The following PCM1 variants were observed in gnomAD, a reference collection of about 807,000 sequenced individuals.
The protein encoded by PCM1 is pericentriolar material 1.
A neutral mutation model predicts 241.9 loss-of-function variants in PCM1; 157 were observed. The observed-to-expected ratio is 0.65, with a 90% CI of 0.57 to 0.74. PCM1 has a LOEUF of 0.74. Ranked by LOEUF, PCM1 falls within the 30% of genes least tolerant of loss-of-function variation. The pLI is 0.00. For synonymous variants in PCM1, 1,085 were observed against 784.9 expected (o/e 1.38, Z -6.39); for missense variants, 3,478 against 2,360.1 (o/e 1.47, Z -9.81).
chr8:17,955,348 A>T (rs2067796985), intron 9 of PCM1, 122 bp from the exon 10 acceptor site: 2 of 635,970 alleles, frequency 3.1e-6, no homozygotes, highest in Non-Finnish European at 2.6e-6. Flanking sequence ...CTGAAATTTA[A>T]ATCTGCAGAA....
chr8:18,025,133 C>CT (rs58967642), intron 36 of PCM1: 61,148 of 157,256 alleles, frequency 0.39, 16,483 homozygotes, highest in African/African-American at 0.46. Context: ...GCCCCCCTGC[C>CT]TTTTTTTTTT....
intron 7 of PCM1, among the ~76,000 whole-genome samples, chr8:17,949,953 T>TA (rs2065376656): frequency 6.6e-6 from 1 of 152,142 alleles, no homozygotes; most frequent in Non-Finnish European, 1.5e-5. Context: ...ACCACAGTCT[T>TA]TTAGTATGAC....
intron 29 of PCM1, among the ~76,000 whole-genome samples, chr8:18,001,995 C>CT (rs1166401113): frequency 3.0e-4 from 7 of 23,402 alleles, no homozygotes; most frequent in Admixed American, 7.6e-4. Flanking sequence ...TCTAACCTTT[C>CT]TTTTTTTTTT....
intron 22 of PCM1, among the ~76,000 whole-genome samples, chr8:17,971,890 C>T (rs981035944): frequency 1.3e-5 from 2 of 151,994 alleles, no homozygotes; most frequent in African/African-American, 2.4e-5. Context: ...ACTGGAGGCA[C>T]ATGCCACTGT....
chr8:17,935,487 A>C, intron 2 of PCM1, 102 bp from the exon 3 acceptor site: 2 of 598,628 alleles, frequency 3.3e-6, no homozygotes, highest in South Asian at 4.3e-5. Context: ...AGTTCATAAA[A>C]ATCAGTGCTT....
At chr8:18,023,434 G>C (rs2093919202) in intron 36 of PCM1, among the ~76,000 whole-genome samples, 1 of 152,046 alleles carries the variant, frequency 6.6e-6, no homozygotes, top group African/African-American at 2.4e-5. Flanking sequence ...AGCAACCCTT[G>C]AAAAAAAGTT....
intron 2 of PCM1, among the ~76,000 whole-genome samples, chr8:17,934,099 T>C (rs1329665743): frequency 1.4e-4 from 21 of 152,124 alleles, no homozygotes; most frequent in Admixed American, 1.4e-3. Context: ...TAAAGTAATA[T>C]GTTATTCTAA....
intron 7 of PCM1, among the ~76,000 whole-genome samples, chr8:17,947,699 C>T (rs1033867630): frequency 2.6e-5 from 4 of 152,064 alleles, no homozygotes; most frequent in Admixed American, 6.6e-5. Context: ...CTATTTTATT[C>T]AGCTAGGATT....
At chr8:17,940,293 C>T in intron 6 of PCM1, 1 of 549,478 alleles carries the variant, frequency 1.8e-6, no homozygotes, top group East Asian at 2.8e-5. Context: ...ATTGTTAATG[C>T]TGTATGTGTT....
At chr8:18,002,078 C>T (rs7461301) in intron 29 of PCM1, among the ~76,000 whole-genome samples, 14,382 of 16,966 alleles carry the variant, frequency 0.85, 6,047 homozygotes, top group South Asian at 0.9. Context: ...TTTTTTTTTT[C>T]TTTTTTTTAT....
intron 18 of PCM1, among the ~76,000 whole-genome samples, chr8:17,965,356 G>T (rs1403330753): frequency 6.6e-6 from 1 of 152,206 alleles, no homozygotes; most frequent in Non-Finnish European, 1.5e-5. Flanking sequence ...ATTCACATCT[G>T]GTTGAAAGGG....
Position 17,991,658 on chromosome 8 carries a change from G to A in PCM1, c.4648G>A (p.Gly1550Arg). The A allele has an allele frequency of 6.4e-7, 1 of 1,563,476 alleles. No individual in the cohort carries two copies. Residue 1550 changes from glycine (G) to arginine (R), a missense_variant, in exon 28 of 39, where the codon GGA becomes AGA. Coordinates refer to ENST00000325083, the MANE Select transcript of PCM1 (RefSeq NM_006197.4). ...MRCTCRIIED[G>R]DGAGAGTTVN... ...ATGCACCTGCAGGATTATTGAGGAT[G>A]GAGATGGTGCTGGTGCAGGTACTAC... is the stretch of plus-strand genomic sequence containing the variant.
At chr8:18,011,446 C>A (rs1027759262) in intron 33 of PCM1, 80 bp downstream of exon 33, 2 of 1,271,312 alleles carry the variant, frequency 1.6e-6, no homozygotes, top group South Asian at 1.7e-5. Context: ...TGGAGTGTAA[C>A]AAGTATAAAA....
chr8:17,932,815 G>GT (rs1337894104), intron 2 of PCM1, among the ~76,000 whole-genome samples: 7 of 151,930 alleles, frequency 4.6e-5, no homozygotes, highest in African/African-American at 1.7e-4. Context: ...TTAAAATTCT[G>GT]TTTTAATCTT....
chr8:18,027,713 A>G lies in PCM1; in HGVS notation c.*51A>G. 7.7e-7 allele frequency: 1 copy of G among 1,297,180 alleles called. No individual in the cohort carries two copies. Among genetic ancestry groups the G allele is most frequent in the Non-Finnish European group, 1.1e-6 (1 of 910,946 alleles). The allele number at this position is 1,297,180 out of a possible 1,614,324, so 80.4% of individuals were successfully genotyped here. A position where few individuals can be genotyped will look rare whatever the true frequency, so the allele number is the denominator to read the frequency against. The stretch of plus-strand genomic sequence containing the variant: ...CTGTCCTTACATACTCAATGCATAT[A>G]TGAAAACAATACTAAATAAACATCT... On this transcript the variant is annotated 3_prime_UTR_variant, in exon 39 of 39. Transcript: ENST00000325083.
At chr8:17,976,361 T>C (rs749295864) in intron 23 of PCM1, among the ~76,000 whole-genome samples, 69 of 152,348 alleles carry the variant, frequency 4.5e-4, no homozygotes, top group Non-Finnish European at 9.1e-4. Flanking sequence ...ATCATTGTTA[T>C]ACTGCAGCTA....
rs758523376 is a variant in PCM1 at position 18,014,576 on chromosome 8, G to T, written c.5585-8G>T. On this transcript the variant is annotated splice_polypyrimidine_tract_variant and splice_region_variant and intron_variant, in intron 35 of 38. Coordinates refer to ENST00000325083, the MANE Select transcript of PCM1 (RefSeq NM_006197.4). ...TACACTAATGTTAAGACTTTCTTTT[G>T]ATGACAGATGACCAAAATAACTGTC... The T allele has an allele frequency of 5.7e-6, 9 of 1,588,528 alleles. No homozygotes were observed. In the Admixed American group the frequency reaches 1.6e-4, roughly 28 times the overall value.
At chr8:17,960,586 G>A (rs1026672455) in intron 15 of PCM1, 142 bp downstream of exon 15, 43 of 566,388 alleles carry the variant, frequency 7.6e-5, no homozygotes, top group Non-Finnish European at 1.1e-4. Flanking sequence ...GTGCAGTGGC[G>A]TGATCTTGGC....
At chr8:17,990,113 A>G (rs560930450) in intron 27 of PCM1, 134 bp downstream of exon 27, 43 of 629,156 alleles carry the variant, frequency 6.8e-5, no homozygotes, top group Middle Eastern at 4.1e-4. Flanking sequence ...TTAATTATCT[A>G]TCAGTCTAAA....
Sources: allele counts gnomAD v4.1 joint callset (sites outside exome capture counted in the v4.1 genomes callset), GRCh38; gene constraint gnomAD v4.1.1; transcripts MANE v1.5; gene names NCBI Gene and HGNC (gene_info 2026-07-23, HGNC 2026-07-21).